The following ASIC2 variants were observed in gnomAD, a reference collection of about 807,000 sequenced individuals.
ASIC2 encodes the protein acid-sensing ion channel 2.
Under a neutral mutation model 57.3 loss-of-function variants are expected in ASIC2, and 25 were observed. The ratio of observed to expected loss-of-function variants is 0.44; its 90% CI spans 0.32 to 0.61. The LOEUF is 0.61. ASIC2 is among the 20% of genes least tolerant of loss of function. The pLI is 0.06. For synonymous variants in ASIC2, 319 were observed against 307.5 expected, an observed-to-expected ratio of 1.04 and a Z score of -0.39; for missense variants, 641 against 738.1, an observed-to-expected ratio of 0.87 and a Z score of 1.52.
At chr17:34,126,918 G>GA (rs1275862503) in intron 1 of ASIC2, among the ~76,000 whole-genome samples, 2 of 152,108 alleles carry the variant, frequency 1.3e-5, no homozygotes, top group Non-Finnish European at 2.9e-5. Flanking sequence ...CACGTCCCTG[G>GA]AAAATACACA....
At chr17:33,636,553 A>G (rs1597816193) in intron 1 of ASIC2, among the ~76,000 whole-genome samples, 2 of 152,248 alleles carry the variant, frequency 1.3e-5, no homozygotes, top group South Asian at 2.1e-4. Context: ...CCCTCCTTTT[A>G]TCATCTCCAT....
chr17:33,949,043 A>G (rs1334752066), intron 1 of ASIC2, among the ~76,000 whole-genome samples: 2 of 152,038 alleles, frequency 1.3e-5, no homozygotes, highest in African/African-American at 2.4e-5. Flanking sequence ...GGACATCTAC[A>G]TTTGAGTTTC....
chr17:33,461,618 T>C (rs1912639098), intron 1 of ASIC2, among the ~76,000 whole-genome samples: 1 of 152,124 alleles, frequency 6.6e-6, no homozygotes, highest in Admixed American at 6.6e-5. Context: ...AGCATCAATG[T>C]TCTAAGAGGG....
chr17:34,151,104 A>G (rs1904500507), intron 1 of ASIC2, among the ~76,000 whole-genome samples: 1 of 33,354 alleles, frequency 3.0e-5, no homozygotes, highest in Admixed American at 3.9e-4. Context: ...CTCCATCTCA[A>G]GAAAAAAAAA....
intron 1 of ASIC2, among the ~76,000 whole-genome samples, chr17:33,350,373 G>A (rs1908113996): frequency 1.3e-5 from 2 of 152,070 alleles, no homozygotes; most frequent in South Asian, 4.1e-4. Context: ...GAGCTTTTCT[G>A]AATCACTTAA....
intron 1 of ASIC2, among the ~76,000 whole-genome samples, chr17:34,035,533 G>C (rs1305727312): frequency 1.3e-5 from 2 of 151,414 alleles, no homozygotes; most frequent in African/African-American, 4.9e-5. Context: ...TTGACAAATG[G>C]GATCTAATTA....
chr17:33,532,988 A>G (rs914998307), intron 1 of ASIC2, among the ~76,000 whole-genome samples: 1 of 152,214 alleles, frequency 6.6e-6, no homozygotes, highest in African/African-American at 2.4e-5. Context: ...TGATTTGGGA[A>G]CCACTGGCTC....
At chr17:34,149,770 C>A (rs1904440163) in intron 1 of ASIC2, among the ~76,000 whole-genome samples, 3 of 152,280 alleles carry the variant, frequency 2.0e-5, no homozygotes. Flanking sequence ...GAAAGGTGAG[C>A]CCTTGTACAC....
At chr17:33,437,168 A>G (rs981829407) in intron 1 of ASIC2, among the ~76,000 whole-genome samples, 3 of 151,888 alleles carry the variant, frequency 2.0e-5, no homozygotes, top group Non-Finnish European at 4.4e-5. Context: ...CCCGGCCCCA[A>G]CTTCTTTTGA....
chr17:34,032,391 C>T (rs1365940055), intron 1 of ASIC2, among the ~76,000 whole-genome samples: 1 of 152,190 alleles, frequency 6.6e-6, no homozygotes, highest in African/African-American at 2.4e-5. Flanking sequence ...ACAACCAGTA[C>T]CAGCTGCTGC....
At chr17:33,437,090 C>T (rs1005765537) in intron 1 of ASIC2, among the ~76,000 whole-genome samples, 4 of 151,436 alleles carry the variant, frequency 2.6e-5, no homozygotes, top group African/African-American at 9.7e-5. Flanking sequence ...TGGTCTCGAT[C>T]TCCTGACCTC....
At chr17:34,086,726 T>C (rs1395049329) in intron 1 of ASIC2, among the ~76,000 whole-genome samples, 1 of 152,196 alleles carries the variant, frequency 6.6e-6, no homozygotes, top group African/African-American at 2.4e-5. Flanking sequence ...GGTGCTCCTG[T>C]ATTGGGTGCG....
At chr17:33,514,482 G>A (rs928849374) in intron 1 of ASIC2, among the ~76,000 whole-genome samples, 1 of 152,176 alleles carries the variant, frequency 6.6e-6, no homozygotes, top group Admixed American at 6.5e-5. Context: ...CAGGCCAAAG[G>A]GGAGGGGATT....
chr17:33,422,983 A>T (rs1033574926), intron 1 of ASIC2, among the ~76,000 whole-genome samples: 1 of 152,182 alleles, frequency 6.6e-6, no homozygotes, highest in Non-Finnish European at 1.5e-5. Context: ...AGTGCCGCAC[A>T]GCCCTGGCCA....
At chr17:34,033,611 C>A (rs532714737) in intron 1 of ASIC2, among the ~76,000 whole-genome samples, 8 of 151,856 alleles carry the variant, frequency 5.3e-5, no homozygotes, top group Non-Finnish European at 1.2e-4. Context: ...ATTGATAGAC[C>A]GTTAGCAAGA....
At chr17:33,461,018 G>A (rs1011874015) in intron 1 of ASIC2, among the ~76,000 whole-genome samples, 1 of 152,170 alleles carries the variant, frequency 6.6e-6, no homozygotes, top group African/African-American at 2.4e-5. Flanking sequence ...GATGATAATA[G>A]TCTGTTGCAG....
At chr17:33,581,749 C>T (rs947695161) in intron 1 of ASIC2, among the ~76,000 whole-genome samples, 10 of 152,162 alleles carry the variant, frequency 6.6e-5, no homozygotes, top group Non-Finnish European at 1.5e-4. Flanking sequence ...GTGTCCTATG[C>T]GATGAAGGGA....
At chr17:33,329,902 A>G (rs983110767) in intron 1 of ASIC2, among the ~76,000 whole-genome samples, 4 of 152,136 alleles carry the variant, frequency 2.6e-5, no homozygotes, top group African/African-American at 9.7e-5. Flanking sequence ...AGCAGTGAGA[A>G]GGAGGAACCT....
chr17:34,123,592 G>A (rs1911690631), intron 1 of ASIC2, among the ~76,000 whole-genome samples: 1 of 152,192 alleles, frequency 6.6e-6, no homozygotes, highest in South Asian at 2.1e-4. Flanking sequence ...TTGGCTAAGA[G>A]CCTGGAGTCT....
Sources: allele counts gnomAD v4.1 joint callset (sites outside exome capture counted in the v4.1 genomes callset), GRCh38; gene constraint gnomAD v4.1.1; transcripts MANE v1.5; gene names NCBI Gene and HGNC (gene_info 2026-07-23, HGNC 2026-07-21).